AK5: variants seen among roughly 807,000 people sequenced by gnomAD.
The protein encoded by AK5 is adenylate kinase isoenzyme 5.
In AK5, 27 loss-of-function variants were observed where a neutral mutation model predicts 69.5. That is an observed-to-expected ratio of 0.39 (90% CI 0.29 to 0.54). AK5 has a LOEUF of 0.54. Among genes scored for constraint, AK5 ranks in the 20% least tolerant of loss-of-function variants. The pLI, the probability that AK5 is intolerant of heterozygous loss-of-function variation, is 0.71. For synonymous variants in AK5, 260 were observed against 244.4 expected (o/e 1.06, Z -0.60); for missense variants, 531 against 700.4 (o/e 0.76, Z 2.73).
chr1:77,368,263 TTATA>T (rs1218910012), intron 6 of AK5, among the ~76,000 whole-genome samples: 1 of 104,288 alleles, frequency 9.6e-6, no homozygotes, highest in South Asian at 3.2e-4. Flanking sequence ...AATATATATG[TTATA>T]TATATGTTAT....
chr1:77,321,081 G>A (rs1213412216), intron 5 of AK5, among the ~76,000 whole-genome samples: 4 of 152,136 alleles, frequency 2.6e-5, no homozygotes, highest in African/African-American at 9.7e-5. Flanking sequence ...AAGAACAATA[G>A]ACATGTCTAG....
At chr1:77,422,760 C>T (rs1253405078) in intron 8 of AK5, among the ~76,000 whole-genome samples, 13 of 152,314 alleles carry the variant, frequency 8.5e-5, no homozygotes, top group Non-Finnish European at 1.6e-4. Flanking sequence ...GTGCCTGCCA[C>T]GGAGCCTGGC....
rs116286564 is a variant in AK5 at position 77,544,649 on chromosome 1, C to T, written c.1620+8611C>T. On this transcript the variant is annotated intron_variant, in intron 13 of 13. Transcript: ENST00000354567. ...ATCATCATGCCACTGTCTTTACCTCCGTATCTTGCCCACTGGAAGGTCTTC... is the reference window on the plus strand; with the variant it reads ...ATCATCATGCCACTGTCTTTACCTCTGTATCTTGCCCACTGGAAGGTCTTC... Among the ~76,000 whole-genome samples, 272 of 152,150 alleles carry T rather than the reference C, an allele frequency of 1.8e-3. 1 individual carries two copies. The highest frequency in any genetic ancestry group is 2.2e-3 in the Non-Finnish European group (153 of 68,008).
Position 77,324,325 on chromosome 1 carries a change from GT to G in AK5, c.700-16051del, listed in dbSNP as rs879760221. ...AAAAAAGTTCACCATTTGCGTGTGT[GT>G]GTGTGTGTGTGTGTGTGTGTGTGTG... On this transcript the variant is annotated intron_variant, in intron 5 of 13. Transcript: ENST00000354567. Among the ~76,000 whole-genome samples the G allele has an allele frequency of 6.5e-3, 369 of 56,382 alleles. 1 individual carries two copies. The highest frequency in any genetic ancestry group is 8.8e-3 in the Non-Finnish European group (206 of 23,280). The allele number at this position is 56,382 out of a possible 152,430, so 37.0% of individuals were successfully genotyped here. A position where few individuals can be genotyped will look rare whatever the true frequency, so the allele number is the denominator to read the frequency against.
intron 6 of AK5, among the ~76,000 whole-genome samples, chr1:77,347,096 CGAGGAAGAGTTTT>C (rs1557515791): frequency 6.6e-6 from 1 of 151,958 alleles, no homozygotes; most frequent in African/African-American, 2.4e-5. Context: ...AGAAAATAGT[CGAGGAAGAGTTTT>C]TAAAGGTTAA....
chr1:77,391,531 C>A, intron 6 of AK5, among the ~76,000 whole-genome samples: 1 of 102,470 alleles, frequency 9.8e-6, no homozygotes, highest in Admixed American at 1.0e-4. Flanking sequence ...ATATATATCT[C>A]CTCAGGCTGT....
At chr1:77,511,682 T>A (rs1373168477) in intron 10 of AK5, among the ~76,000 whole-genome samples, 1 of 152,190 alleles carries the variant, frequency 6.6e-6, no homozygotes, top group Non-Finnish European at 1.5e-5. Flanking sequence ...GTTTTTGGAC[T>A]CTCTCAAGGG....
intron 5 of AK5, among the ~76,000 whole-genome samples, chr1:77,320,767 T>C (rs1660489438): frequency 6.6e-6 from 1 of 152,070 alleles, no homozygotes; most frequent in African/African-American, 2.4e-5. Flanking sequence ...AGGTATACCA[T>C]GAAAACACTA....
chr1:77,548,047 A>G (rs1264080085), intron 13 of AK5, among the ~76,000 whole-genome samples: 2 of 152,170 alleles, frequency 1.3e-5, no homozygotes, highest in African/African-American at 2.4e-5. Flanking sequence ...ATTTTTTTTC[A>G]TATCTGCTAA....
intron 8 of AK5, among the ~76,000 whole-genome samples, chr1:77,438,770 C>T (rs891964441): frequency 3.3e-5 from 5 of 152,152 alleles, no homozygotes; most frequent in Non-Finnish European, 7.4e-5. Context: ...CCAGAAGAGA[C>T]ATGCATCACA....
intron 6 of AK5, among the ~76,000 whole-genome samples, chr1:77,351,362 T>C (rs1662188720): frequency 6.6e-6 from 1 of 151,854 alleles, no homozygotes; most frequent in African/African-American, 2.4e-5. Context: ...AGCACTGCAC[T>C]CCAGCCTGGG....
At chr1:77,429,072 G>A (rs1310776921) in intron 8 of AK5, among the ~76,000 whole-genome samples, 1 of 152,172 alleles carries the variant, frequency 6.6e-6, no homozygotes, top group Admixed American at 6.5e-5. Context: ...GTGTGTGTGT[G>A]TGTCTTTATA....
At chr1:77,450,559 T>G (rs1252029912) in intron 8 of AK5, among the ~76,000 whole-genome samples, 1 of 139,982 alleles carries the variant, frequency 7.1e-6, no homozygotes, top group Non-Finnish European at 1.6e-5. Flanking sequence ...AGTAAAAAAA[T>G]TATCATTATC....
intron 6 of AK5, among the ~76,000 whole-genome samples, chr1:77,405,445 G>T (rs1649553763): frequency 6.6e-6 from 1 of 152,210 alleles, no homozygotes; most frequent in African/African-American, 2.4e-5. Context: ...CTACTGCCCT[G>T]ACTGTCACCG....
intron 5 of AK5, among the ~76,000 whole-genome samples, chr1:77,329,190 C>T: frequency 8.0e-6 from 1 of 125,184 alleles, no homozygotes; most frequent in Admixed American, 8.5e-5. Flanking sequence ...TTGTCTCCCT[C>T]AGTGAAAAAA....
intron 13 of AK5, among the ~76,000 whole-genome samples, chr1:77,548,989 C>G (rs1315771184): frequency 6.7e-6 from 1 of 149,850 alleles, no homozygotes; most frequent in Non-Finnish European, 1.5e-5. Context: ...GATTCTCCTG[C>G]CTTAGCCTCC....
chr1:77,300,130 G>C (rs1357252516), intron 5 of AK5, among the ~76,000 whole-genome samples: 1 of 152,148 alleles, frequency 6.6e-6, no homozygotes, highest in Non-Finnish European at 1.5e-5. Flanking sequence ...GTAGGTGGGA[G>C]AGGGAGGGAA....
At chr1:77,445,999 C>G (rs1015932962) in intron 8 of AK5, among the ~76,000 whole-genome samples, 21 of 152,160 alleles carry the variant, frequency 1.4e-4, no homozygotes, top group African/African-American at 5.1e-4. Flanking sequence ...CACAATAAAT[C>G]ATTGCCAAGG....
At chr1:77,518,810 G>A (rs1657817566) in intron 11 of AK5, 83 bp downstream of exon 11, 1 of 1,378,546 alleles carries the variant, frequency 7.3e-7, no homozygotes, top group African/African-American at 1.5e-5. Flanking sequence ...CTGAGCTGCT[G>A]GAACTAAGAA....
Sources: gnomAD v4.1 joint callset for allele counts (sites outside exome capture counted in the v4.1 genomes callset) on GRCh38, gnomAD v4.1.1 for gene constraint, MANE v1.5 for transcripts, NCBI Gene and HGNC (gene_info 2026-07-23, HGNC 2026-07-21) for gene names.